AGBL4: variants seen among roughly 807,000 people sequenced by gnomAD.
AGBL4 encodes cytosolic carboxypeptidase 6.
A neutral mutation model predicts 66.4 loss-of-function variants in AGBL4; 58 were observed. The observed-to-expected ratio is 0.87, with a 90% CI of 0.71 to 1.09. The LOEUF (loss-of-function observed/expected upper bound fraction) is 1.09. AGBL4 is among the 50% of genes least tolerant of loss of function. AGBL4 has a pLI of 0.00. For synonymous variants in AGBL4, 234 were observed against 222.9 expected, an observed-to-expected ratio of 1.05 and a Z score of -0.44; for missense variants, 579 against 631.0, an observed-to-expected ratio of 0.92 and a Z score of 0.88.
intron 3 of AGBL4, among the ~76,000 whole-genome samples, chr1:49,694,294 T>C (rs1014654703): frequency 3.3e-5 from 5 of 152,270 alleles, no homozygotes; most frequent in African/African-American, 1.2e-4. Context: ...AAGTCAAACT[T>C]CATAGTAAAA....
At chr1:48,793,760 A>G (rs1454162549) in intron 6 of AGBL4, among the ~76,000 whole-genome samples, 1 of 151,944 alleles carries the variant, frequency 6.6e-6, no homozygotes, top group Non-Finnish European at 1.5e-5. Flanking sequence ...TAATAACATT[A>G]TTATCTCTAA....
chr1:49,769,839 C>A (rs1000178987), intron 2 of AGBL4, among the ~76,000 whole-genome samples: 1 of 152,054 alleles, frequency 6.6e-6, no homozygotes, highest in Non-Finnish European at 1.5e-5. Context: ...AAACGTAAGA[C>A]CTCAAACTAT....
rs778347868 is a variant in AGBL4, at chr1:48,590,839, G to A, written c.1098C>T (p.Phe366=). The A allele has an allele frequency of 1.2e-6, 2 of 1,600,212 alleles. No individual in the cohort carries two copies. Among genetic ancestry groups the A allele is most frequent in the East Asian group, 2.2e-5 (1 of 44,510 alleles). ...GAGAGAACTCCTGGCTTACATAGGA[G>A]AAGTCCTCAGCATTCTGGCAGAGGA... The part of the protein sequence containing the change: ...PKLLCQNAED[F]SYSSTSFNRD... Residue 366 remains phenylalanine (F), a synonymous_variant, in exon 10 of 14, where the codon TTC becomes TTT. Transcript: ENST00000371839.
intron 3 of AGBL4, among the ~76,000 whole-genome samples, chr1:49,628,219 C>T (rs985789178): frequency 2.6e-5 from 4 of 152,010 alleles, no homozygotes; most frequent in African/African-American, 4.8e-5. Context: ...TGCAGCTCAC[C>T]GTAAACTCCA....
chr1:49,522,874 C>T (rs1169593600), intron 3 of AGBL4, among the ~76,000 whole-genome samples: 1 of 152,096 alleles, frequency 6.6e-6, no homozygotes, highest in Non-Finnish European at 1.5e-5. Context: ...GATGTACTTC[C>T]ACCATTAGTG....
chr1:48,870,397 T>C (rs1448348076), intron 5 of AGBL4, among the ~76,000 whole-genome samples: 2 of 152,140 alleles, frequency 1.3e-5, no homozygotes, highest in Non-Finnish European at 2.9e-5. Flanking sequence ...ATTTCACCTC[T>C]GTGTCCCCAG....
At chr1:48,798,046 C>T (rs953383810) in intron 6 of AGBL4, among the ~76,000 whole-genome samples, 5 of 152,132 alleles carry the variant, frequency 3.3e-5, no homozygotes, top group African/African-American at 1.2e-4. Context: ...TCTTTAAGGA[C>T]TCTCCATACT....
At chr1:49,994,915 T>C (rs973422468) in intron 1 of AGBL4, 4 of 353,444 alleles carry the variant, frequency 1.1e-5, no homozygotes, top group Non-Finnish European at 2.2e-5. Context: ...TAACCTTTCC[T>C]GGAGCTGAGA....
intron 4 of AGBL4, among the ~76,000 whole-genome samples, chr1:49,178,092 G>C (rs928307621): frequency 6.6e-6 from 1 of 152,160 alleles, no homozygotes; most frequent in Non-Finnish European, 1.5e-5. Context: ...TAGCAGGGTA[G>C]TGTGAAAAGA....
chr1:48,714,053 T>C (rs1647008664), intron 6 of AGBL4, among the ~76,000 whole-genome samples: 1 of 152,290 alleles, frequency 6.6e-6, no homozygotes, highest in Non-Finnish European at 1.5e-5. Context: ...TACTATAACA[T>C]GATCTTTAGA....
intron 6 of AGBL4, among the ~76,000 whole-genome samples, chr1:48,793,207 A>G (rs933479951): frequency 2.6e-5 from 4 of 152,310 alleles, no homozygotes; most frequent in Admixed American, 6.5e-5. Flanking sequence ...ATCTATAAAC[A>G]AATGCTTAAT....
chr1:49,003,784 G>C (rs907625427), intron 5 of AGBL4, among the ~76,000 whole-genome samples: 2 of 152,116 alleles, frequency 1.3e-5, no homozygotes, highest in Non-Finnish European at 2.9e-5. Flanking sequence ...TTAGATACTA[G>C]TTCTGTTGAA....
In AGBL4 at chr1:49,739,977, G is replaced by C. The variant is rs570187818; in HGVS notation, c.158-42540C>G. ...CGAATTCTAAAGACCATTGAGGCTA[G>C]GAAGAAACTGCATCAACTAACAAGC... On this transcript the variant is annotated intron_variant, in intron 2 of 13. Transcript: ENST00000371839. 1.6e-3 allele frequency among the ~76,000 whole-genome samples: 251 copies of C among 152,258 alleles called. 2 individuals carry two copies. In the South Asian group the frequency reaches 0.023, roughly 14 times the overall value.
chr1:49,848,325 G>A (rs999130382), intron 2 of AGBL4, among the ~76,000 whole-genome samples: 1 of 151,934 alleles, frequency 6.6e-6, no homozygotes, highest in African/African-American at 2.4e-5. Flanking sequence ...CTGGGTATCT[G>A]CTCAAAGAAA....
Position 49,826,846 on chromosome 1 carries a change from T to G in AGBL4, c.157+24550A>C, listed in dbSNP as rs1645522974. On this transcript the variant is annotated intron_variant, in intron 2 of 13. Coordinates refer to ENST00000371839, the MANE Select transcript of AGBL4 (RefSeq NM_032785.4). ...TATGCTTACAGGCACAGTGAAAAGC[T>G]ATGTTCCACAAAAGAAATATTAGTA... Among the ~76,000 whole-genome samples the G allele has an allele frequency of 3.3e-5, 5 of 152,296 alleles. No individual in the cohort carries two copies. The South Asian group carries it at 1.0e-3, about 32-fold the overall frequency.
intron 9 of AGBL4, among the ~76,000 whole-genome samples, chr1:48,595,425 C>A (rs1644980641): frequency 6.6e-6 from 1 of 152,210 alleles, no homozygotes; most frequent in East Asian, 1.9e-4. Context: ...GTTGTTCCAA[C>A]AGTAAAACCA....
intron 3 of AGBL4, among the ~76,000 whole-genome samples, chr1:49,354,867 T>C (rs897663494): frequency 3.3e-5 from 5 of 152,210 alleles, no homozygotes; most frequent in Admixed American, 3.3e-4. Flanking sequence ...ACTTACCAGC[T>C]TATTCCAGTT....
At chr1:48,791,739 G>A (rs1318120031) in intron 6 of AGBL4, among the ~76,000 whole-genome samples, 1 of 152,146 alleles carries the variant, frequency 6.6e-6, no homozygotes, top group East Asian at 1.9e-4. Context: ...TAGGGCATTT[G>A]ATACAATTAA....
At chr1:49,401,683 A>T (rs1645088936) in intron 3 of AGBL4, among the ~76,000 whole-genome samples, 1 of 152,096 alleles carries the variant, frequency 6.6e-6, no homozygotes, top group Non-Finnish European at 1.5e-5. Flanking sequence ...GTATCAGGGT[A>T]ATACTGGCCT....
Sources: gnomAD v4.1 joint callset for allele counts (sites outside exome capture counted in the v4.1 genomes callset) on GRCh38, gnomAD v4.1.1 for gene constraint, MANE v1.5 for transcripts, NCBI Gene and HGNC (gene_info 2026-07-23, HGNC 2026-07-21) for gene names.